TAFA2: variants seen among roughly 807,000 people sequenced by gnomAD.
TAFA2 encodes chemokine-like protein TAFA-2.
TAFA2 carries 7 observed loss-of-function variants against 18.8 expected under a neutral mutation model. That is an observed-to-expected ratio of 0.37 (90% CI 0.21 to 0.70). The LOEUF (loss-of-function observed/expected upper bound fraction) is 0.70, where lower values mean the gene tolerates loss of function less well. Among genes scored for constraint, TAFA2 ranks in the 30% least tolerant of loss-of-function variants. The pLI, the probability that TAFA2 is intolerant of heterozygous loss-of-function variation, is 0.53. For synonymous variants in TAFA2, 60 were observed against 54.2 expected (o/e 1.11, Z -0.47); for missense variants, 122 against 158.1 (o/e 0.77, Z 1.23).
chr12:61,837,657 T>G (rs912027671), intron 2 of TAFA2, among the ~76,000 whole-genome samples: 2 of 152,006 alleles, frequency 1.3e-5, no homozygotes, highest in Non-Finnish European at 2.9e-5. Context: ...ATACCCACTC[T>G]TACTGAGACT....
intron 1 of TAFA2, among the ~76,000 whole-genome samples, chr12:62,052,773 T>A (rs1371565805): frequency 6.6e-6 from 1 of 152,188 alleles, no homozygotes; most frequent in Non-Finnish European, 1.5e-5. Context: ...TTCTTAGATT[T>A]GTGGAGATAT....
intron 1 of TAFA2, among the ~76,000 whole-genome samples, chr12:62,173,167 C>G (rs999836010): frequency 6.6e-6 from 1 of 152,154 alleles, no homozygotes; most frequent in Non-Finnish European, 1.5e-5. Context: ...AATCCCAGCA[C>G]TTTGGGAGGC....
At chr12:62,161,684 C>T (rs2062407907) in intron 1 of TAFA2, among the ~76,000 whole-genome samples, 1 of 151,854 alleles carries the variant, frequency 6.6e-6, no homozygotes, top group South Asian at 2.1e-4. Context: ...GTACTTGTAC[C>T]CATAAATTTA....
At chr12:62,216,176 G>C (rs1293475609) in intron 1 of TAFA2, among the ~76,000 whole-genome samples, 1 of 152,196 alleles carries the variant, frequency 6.6e-6, no homozygotes, top group East Asian at 1.9e-4. Context: ...GTCTGGCCAA[G>C]TGCTATCCAA....
intron 1 of TAFA2, among the ~76,000 whole-genome samples, chr12:62,164,695 C>T (rs2062427676): frequency 6.6e-6 from 1 of 152,090 alleles, no homozygotes; most frequent in South Asian, 2.1e-4. Context: ...AAAGTGGAAA[C>T]ATTTTCAGAC....
At chr12:61,957,345 C>T (rs12426758) in intron 1 of TAFA2, among the ~76,000 whole-genome samples, 51,572 of 151,878 alleles carry the variant, frequency 0.34, 9,471 homozygotes, top group East Asian at 0.61. Flanking sequence ...CAATATAGGA[C>T]AGAGATTGGG....
At chr12:61,776,015 G>A (rs556315647) in intron 2 of TAFA2, 24 of 357,058 alleles carry the variant, frequency 6.7e-5, no homozygotes, top group African/African-American at 4.1e-4. Context: ...CCACACACAT[G>A]CGAATCTATA....
At chr12:62,141,035 C>A (rs2062235935) in intron 1 of TAFA2, among the ~76,000 whole-genome samples, 1 of 152,190 alleles carries the variant, frequency 6.6e-6, no homozygotes, top group Admixed American at 6.6e-5. Flanking sequence ...ATCCTCACAA[C>A]CACCTTCTGT....
intron 1 of TAFA2, among the ~76,000 whole-genome samples, chr12:61,921,896 C>T (rs1257986341): frequency 1.3e-5 from 2 of 151,944 alleles, no homozygotes; most frequent in Admixed American, 6.6e-5. Flanking sequence ...CGAGGTGGTA[C>T]AAAAATTGAG....
intron 1 of TAFA2, among the ~76,000 whole-genome samples, chr12:61,871,565 A>T (rs1040358923): frequency 2.2e-4 from 33 of 152,228 alleles, no homozygotes; most frequent in African/African-American, 8.0e-4. Flanking sequence ...AAACCTTGAA[A>T]TCGCTCCCAG....
intron 1 of TAFA2, among the ~76,000 whole-genome samples, chr12:61,983,110 G>T (rs929272026): frequency 1.3e-5 from 2 of 152,092 alleles, no homozygotes; most frequent in African/African-American, 4.8e-5. Context: ...ATTCAGCAAT[G>T]GAATAGACTA....
chr12:61,772,618 C>T (rs1870083364), intron 2 of TAFA2, among the ~76,000 whole-genome samples: 1 of 151,882 alleles, frequency 6.6e-6, no homozygotes, highest in African/African-American at 2.4e-5. Context: ...ATAACATAAT[C>T]ATCGCAATAG....
chr12:61,997,211 C>T (rs1452055414), intron 1 of TAFA2, among the ~76,000 whole-genome samples: 1 of 120,592 alleles, frequency 8.3e-6, no homozygotes, highest in Non-Finnish European at 1.9e-5. Context: ...ATATATAACC[C>T]ATTAAGTGGT....
chr12:62,084,744 T>G (rs1479035241), intron 1 of TAFA2, among the ~76,000 whole-genome samples: 1 of 152,152 alleles, frequency 6.6e-6, no homozygotes, highest in Non-Finnish European at 1.5e-5. Context: ...ATAGTGAGAC[T>G]TCCAATTTTT....
chr12:62,117,158 T>C (rs1869997364), intron 1 of TAFA2, among the ~76,000 whole-genome samples: 2 of 152,210 alleles, frequency 1.3e-5, no homozygotes, highest in Non-Finnish European at 2.9e-5. Context: ...TATTTTGTTA[T>C]GGCAACCCTA....
At chr12:61,923,609 G>C (rs1877152720) in intron 1 of TAFA2, among the ~76,000 whole-genome samples, 1 of 152,100 alleles carries the variant, frequency 6.6e-6, no homozygotes, top group Non-Finnish European at 1.5e-5. Flanking sequence ...ACCAAAGGTA[G>C]ATAAATCTAC....
rs565759974 is a variant in TAFA2, at chr12:62,257,395, AC to A, written c.-130+1367del. 9.0e-4 allele frequency among the ~76,000 whole-genome samples: 137 copies of A among 152,150 alleles called. 1 individual carries two copies. The highest frequency in any genetic ancestry group is 8.0e-3 in the Admixed American group (123 of 15,296). On this transcript the variant is annotated intron_variant, in intron 1 of 5. Transcript: ENST00000551619. Reference sequence around the variant, plus strand: ...AGGCTGAAAACTGGCTCTCTTTGACACTTTAGTTTTAAACCTAACTCTCTCC... The same window carrying A: ...AGGCTGAAAACTGGCTCTCTTTGACATTTAGTTTTAAACCTAACTCTCTCC...
At chr12:62,184,169 C>T (rs149298930) in intron 1 of TAFA2, among the ~76,000 whole-genome samples, 12 of 152,154 alleles carry the variant, frequency 7.9e-5, no homozygotes, top group South Asian at 2.1e-4. Flanking sequence ...CAACAAATGA[C>T]GGAAGGAGCA....
intron 1 of TAFA2, among the ~76,000 whole-genome samples, chr12:61,872,129 C>G (rs1014786880): frequency 5.3e-5 from 8 of 151,508 alleles, no homozygotes; most frequent in African/African-American, 1.7e-4. Flanking sequence ...CCCATGAAAA[C>G]AGAAAGTAAG....
Sources: allele counts gnomAD v4.1 joint callset (sites outside exome capture counted in the v4.1 genomes callset), GRCh38; gene constraint gnomAD v4.1.1; transcripts MANE v1.5; gene names NCBI Gene and HGNC (gene_info 2026-07-23, HGNC 2026-07-21).